Variants in DDX52 observed in about 807,000 individuals in gnomAD.
DDX52 encodes DExD-box helicase 52, also known as probable ATP-dependent RNA helicase DDX52.
In DDX52, 59 loss-of-function variants were observed where a neutral mutation model predicts 76.1. The ratio of observed to expected loss-of-function variants is 0.78; its 90% CI spans 0.63 to 0.96. The LOEUF (loss-of-function observed/expected upper bound fraction) is 0.96. Among genes scored for constraint, DDX52 ranks in the 40% least tolerant of loss-of-function variants. DDX52 has a pLI of 0.00. For synonymous variants in DDX52, 231 were observed against 244.1 expected (o/e 0.95, Z 0.50); for missense variants, 707 against 703.9 (o/e 1.00, Z -0.05).
At chr17:37,635,881 T>C (rs1210399992) in intron 2 of DDX52, among the ~76,000 whole-genome samples, 1 of 152,226 alleles carries the variant, frequency 6.6e-6, no homozygotes, top group East Asian at 1.9e-4. Context: ...TTTTTATTTT[T>C]AGCCATTCTA....
rs1292897661 is a variant in DDX52 at position 37,619,763 on chromosome 17, T to G, written c.1649+5A>C. 3 of 1,611,566 alleles carry G rather than the reference T, an allele frequency of 1.9e-6. No homozygotes were observed. On this transcript the variant is annotated splice_donor_5th_base_variant and intron_variant, in intron 13 of 14. Transcript: ENST00000617633. ...ACAAAGATACAGGTAAATTCAAGAT[T>G]GTACCTTAGTAGTTTCTGAAAACCT... is the stretch of plus-strand genomic sequence containing the variant.
At position 37,612,421 on chromosome 17, in the gene DDX52, T is replaced by C. The variant is rs1432570437; in HGVS notation, c.*1875A>G. On this transcript the variant is annotated 3_prime_UTR_variant, in exon 15 of 15. Coordinates refer to ENST00000617633, the MANE Select transcript of DDX52 (RefSeq NM_007010.5). ...AATTTAGTATAGGTTAAGTGTGCAG[T>C]GTTTATACAAGTCTACATGTTCCAA... is the stretch of plus-strand genomic sequence containing the variant. The C allele has an allele frequency of 6.6e-6, 1 of 152,158 alleles. No homozygotes were observed. The highest frequency in any genetic ancestry group is 6.5e-5 in the Admixed American group (1 of 15,270). 9.4% of individuals were successfully genotyped at this position (152,158 alleles called of 1,614,324 possible). A position where few individuals can be genotyped will look rare whatever the true frequency, so the allele number is the denominator to read the frequency against.
intron 2 of DDX52, chr17:37,635,737 G>C (rs1033469836): frequency 1.0e-5 from 4 of 400,148 alleles, no homozygotes; most frequent in African/African-American, 8.3e-5. Flanking sequence ...GAATAGCTGG[G>C]TAATATGGTA....
At chr17:37,642,354 T>C (rs757703347) in intron 1 of DDX52, 46 bp from the exon 2 acceptor site, 8 of 1,563,728 alleles carry the variant, frequency 5.1e-6, no homozygotes, top group Non-Finnish European at 6.9e-6. Flanking sequence ...CAGAATACCA[T>C]TGCTTTCATT....
chr17:37,625,649 T>C (rs1439361039), intron 8 of DDX52, among the ~76,000 whole-genome samples: 1 of 152,108 alleles, frequency 6.6e-6, no homozygotes, highest in Non-Finnish European at 1.5e-5. Flanking sequence ...TTATACTCTG[T>C]GGATGGAAAA....
chr17:37,618,732 G>A (rs933719611), intron 13 of DDX52, among the ~76,000 whole-genome samples: 3 of 152,158 alleles, frequency 2.0e-5, no homozygotes, highest in East Asian at 1.9e-4. Context: ...GGTCCCGCCC[G>A]CCTCGGCCTC....
At chr17:37,624,190 G>A (rs543132819) in intron 9 of DDX52, 154 bp downstream of exon 9, 1 of 496,820 alleles carries the variant, frequency 2.0e-6, no homozygotes, top group Non-Finnish European at 3.6e-6. Context: ...TGATCATATA[G>A]TTAGCACAAT....
intron 8 of DDX52, among the ~76,000 whole-genome samples, 188 bp from the exon 9 acceptor site, chr17:37,624,622 T>TA (rs1461416426): frequency 6.6e-6 from 1 of 152,208 alleles, no homozygotes; most frequent in East Asian, 1.9e-4. Flanking sequence ...TGCTTTCTTC[T>TA]AATTTTAAAA....
At chr17:37,625,312 AG>A (rs1269937531) in intron 8 of DDX52, among the ~76,000 whole-genome samples, 2 of 152,152 alleles carry the variant, frequency 1.3e-5, no homozygotes, top group Non-Finnish European at 2.9e-5. Context: ...TCTTATAAAC[AG>A]GAATTTTAGG....
Position 37,640,965 on chromosome 17 carries a change from C to A in DDX52, c.286+1145G>T, listed in dbSNP as rs150365845. Reference sequence around the variant, plus strand: ...TGCCATTGCACTCCAGCCTGGGCAACAGAGCGAGACTCTGTCTCAAAAGCA... The same window carrying A: ...TGCCATTGCACTCCAGCCTGGGCAAAAGAGCGAGACTCTGTCTCAAAAGCA... On this transcript the variant is annotated intron_variant, in intron 2 of 14. Coordinates refer to ENST00000617633, the MANE Select transcript of DDX52 (RefSeq NM_007010.5). 6.8e-3 allele frequency among the ~76,000 whole-genome samples: 1,028 copies of A among 152,154 alleles called. 9 individuals carry two copies. The highest frequency in any genetic ancestry group is 0.024 in the African/African-American group (981 of 41,506).
intron 2 of DDX52, among the ~76,000 whole-genome samples, chr17:37,640,511 A>T (rs1246964861): frequency 6.6e-6 from 1 of 152,146 alleles, no homozygotes; most frequent in East Asian, 1.9e-4. Flanking sequence ...AAAATACAAA[A>T]GAAATTGATT....
intron 11 of DDX52, 76 bp downstream of exon 11, chr17:37,621,051 A>G (rs1458542845): frequency 1.2e-5 from 18 of 1,555,338 alleles, no homozygotes; most frequent in African/African-American, 2.8e-5. Flanking sequence ...AGAAGTGAGC[A>G]TATGTGCAGG....
intron 2 of DDX52, among the ~76,000 whole-genome samples, chr17:37,641,691 C>A (rs535005294): frequency 6.6e-6 from 1 of 151,822 alleles, no homozygotes; most frequent in Non-Finnish European, 1.5e-5. Context: ...GAGCCGAGAT[C>A]GCGCCACTGC....
rs1431834482 is a variant in DDX52 at position 37,612,108 on chromosome 17, G to A, written c.*2188C>T. The A allele has an allele frequency of 6.6e-6, 1 of 151,382 alleles. No individual in the cohort carries two copies. Among genetic ancestry groups the A allele is most frequent in the African/African-American group, 2.4e-5 (1 of 41,168 alleles). 9.4% of individuals were successfully genotyped at this position (151,382 alleles called of 1,614,324 possible). On this transcript the variant is annotated 3_prime_UTR_variant, in exon 15 of 15. Transcript: ENST00000617633. The stretch of plus-strand genomic sequence containing the variant: ...GTGTGTTTATTTTCAAGACAGTCTT[G>A]CCCTGTCGCCCAGGCTGGAGTGCAG...
intron 11 of DDX52, 73 bp downstream of exon 11, chr17:37,621,054 T>G: frequency 2.6e-6 from 4 of 1,555,284 alleles, no homozygotes; most frequent in Non-Finnish European, 3.5e-6. Flanking sequence ...AGTGAGCATA[T>G]GTGCAGGGAA....
In DDX52 at chr17:37,624,943, C is replaced by T. The variant is rs568568007; in HGVS notation, c.1137-509G>A. Reference sequence around the variant, plus strand: ...CTAAATATATTTAAATATACATTAACCATATTTAAATATGTTTAATTTCCC... The same window carrying T: ...CTAAATATATTTAAATATACATTAATCATATTTAAATATGTTTAATTTCCC... On this transcript the variant is annotated intron_variant, in intron 8 of 14. Transcript: ENST00000617633. Among the ~76,000 whole-genome samples the T allele has an allele frequency of 9.2e-5, 14 of 151,976 alleles. No homozygotes were observed. The South Asian group carries it at 2.9e-3, about 32-fold the overall frequency.
chr17:37,614,186 T>C lies in DDX52; in HGVS notation c.*110A>G, dbSNP rs2064398502. The C allele has an allele frequency of 8.8e-7, 1 of 1,135,154 alleles. No individual in the cohort carries two copies. The highest frequency in any genetic ancestry group is 1.2e-6 in the Non-Finnish European group (1 of 801,918). The allele number at this position is 1,135,154 out of a possible 1,614,324, so 70.3% of individuals were successfully genotyped here. Reference sequence around the variant, plus strand: ...CCAGTCCCATGTACTTGTAGTTGATTTCAAATGTTTGGTACAGGTGACTGT... The same window carrying C: ...CCAGTCCCATGTACTTGTAGTTGATCTCAAATGTTTGGTACAGGTGACTGT... On this transcript the variant is annotated 3_prime_UTR_variant, in exon 15 of 15. Transcript: ENST00000617633.
At chr17:37,619,170 G>A (rs776036852) in intron 13 of DDX52, among the ~76,000 whole-genome samples, 5 of 152,232 alleles carry the variant, frequency 3.3e-5, no homozygotes, top group African/African-American at 9.6e-5. Flanking sequence ...CTTGAGGTCA[G>A]GAGTTTGAGA....
chr17:37,632,269 A>G lies in DDX52; in HGVS notation c.447T>C (p.Ile149=), dbSNP rs760199041. Residue 149 remains isoleucine, a synonymous_variant, in exon 4 of 15, where the codon ATT becomes ATC. Transcript: ENST00000617633. ...KINFLRNKHK[I]HVQGTDLPDP... ...CAGGAAGATCGGTTCCTTGGACGTG[A>G]ATTTTGTGTTTATTCCGCAAGAAGT... 2.9e-5 allele frequency: 47 copies of G among 1,613,886 alleles called. No individual in the cohort carries two copies. The highest frequency in any genetic ancestry group is 1.6e-4 in the East Asian group (7 of 44,882).
Sources: allele counts gnomAD v4.1 joint callset (sites outside exome capture counted in the v4.1 genomes callset), GRCh38; gene constraint gnomAD v4.1.1; transcripts MANE v1.5; gene names NCBI Gene and HGNC (gene_info 2026-07-23, HGNC 2026-07-21).